Variants in POLDIP3 observed in about 807,000 individuals in gnomAD.
POLDIP3 encodes DNA polymerase delta interacting protein 3, also known as polymerase delta-interacting protein 3.
POLDIP3 carries 14 observed loss-of-function variants against 45.1 expected under a neutral mutation model. The ratio of observed to expected loss-of-function variants is 0.31; its 90% CI spans 0.20 to 0.49. POLDIP3 has a LOEUF of 0.49. Ranked by LOEUF, POLDIP3 falls within the 20% of genes least tolerant of loss-of-function variation. The probability of loss-of-function intolerance (pLI) is 0.99; values close to 1 mark genes in which losing one functional copy is unlikely to be tolerated. For missense variants in POLDIP3, 511 were observed against 538.8 expected (o/e 0.95, Z 0.51); for synonymous variants, 223 against 205.2 (o/e 1.09, Z -0.74).
At chr22:42,601,886 T>C in intron 3 of POLDIP3, 84 bp downstream of exon 3, 1 of 1,478,426 alleles carries the variant, frequency 6.8e-7, no homozygotes, top group South Asian at 1.3e-5. Context: ...TCCACCCAAG[T>C]AGGCCTCATC....
intron 4 of POLDIP3, among the ~76,000 whole-genome samples, chr22:42,597,963 G>A (rs1280871315): frequency 2.6e-5 from 4 of 151,106 alleles, no homozygotes; most frequent in Admixed American, 1.3e-4. Context: ...ATTTTTAGTA[G>A]AGACGGGATT....
In POLDIP3 at chr22:42,584,891, A is replaced by G. The variant is rs11539700; in HGVS notation, c.*900T>C. On this transcript the variant is annotated 3_prime_UTR_variant, in exon 9 of 9. Transcript: ENST00000252115. The stretch of plus-strand genomic sequence containing the variant: ...ACAAACTGACCTCTTCCATTCAAAT[A>G]AGCTCCAAACCCAAGCACTGCACAA... 1,892 of 456,194 alleles carry G rather than the reference A, an allele frequency of 4.1e-3. 30 individuals are homozygous for G. The highest frequency in any genetic ancestry group is 0.035 in the African/African-American group (1,739 of 50,152). The allele number at this position is 456,194 out of a possible 1,614,324, so 28.3% of individuals were successfully genotyped here.
In POLDIP3 at chr22:42,602,163, T is replaced by C; in HGVS notation, c.451-107A>G. 4.5e-6 allele frequency: 7 copies of C among 1,564,854 alleles called. No homozygotes were observed. The South Asian group carries it at 4.5e-5, about 10-fold the overall frequency. ...ATGGTGGGCATGCAGCTTTGGTCTT[T>C]GGTAAAAGGCACTACAGAGGGCCTT... On this transcript the variant is annotated intron_variant, in intron 2 of 8. Coordinates refer to ENST00000252115, the MANE Select transcript of POLDIP3 (RefSeq NM_032311.5).
intron 1 of POLDIP3, among the ~76,000 whole-genome samples, chr22:42,606,596 C>A (rs761822069): frequency 2.6e-5 from 4 of 152,176 alleles, no homozygotes; most frequent in South Asian, 2.1e-4. Flanking sequence ...GTCCTCCAGG[C>A]TGGACAACAG....
intron 1 of POLDIP3, among the ~76,000 whole-genome samples, chr22:42,614,454 G>A (rs1043115119): frequency 1.4e-4 from 22 of 152,302 alleles, no homozygotes; most frequent in Non-Finnish European, 2.2e-4. Context: ...CACGGAGCGG[G>A]GCCCAAATGC....
chr22:42,600,519 G>C (rs941743618), intron 3 of POLDIP3, among the ~76,000 whole-genome samples: 1 of 152,060 alleles, frequency 6.6e-6, no homozygotes, highest in African/African-American at 2.4e-5. Context: ...CCAGCTACTC[G>C]GGAGGCTGAG....
At chr22:42,603,822 G>GATC (rs1162336470) in intron 1 of POLDIP3, 2 of 152,446 alleles carry the variant, frequency 1.3e-5, no homozygotes, top group Non-Finnish European at 2.9e-5. Flanking sequence ...AATTGGAAAT[G>GATC]ATCGGGTACA....
intron 7 of POLDIP3, among the ~76,000 whole-genome samples, chr22:42,591,722 A>G (rs915784315): frequency 6.6e-6 from 1 of 152,190 alleles, no homozygotes; most frequent in African/African-American, 2.4e-5. Flanking sequence ...CCATGGAGAA[A>G]TGCTGTTTTC....
rs753767686 is a variant in POLDIP3 at position 42,601,969 on chromosome 22, C to T, written c.537+1G>A. 9.3e-6 allele frequency: 15 copies of T among 1,613,190 alleles called. No homozygotes were observed. The South Asian group carries it at 1.2e-4, about 13-fold the overall frequency. ...CTCTCTCTCTCACTCACTCACTCTA[C>T]CTGTTTGGCCTGGTGGTTATTGACA... On this transcript the variant is annotated splice_donor_variant, in intron 3 of 8. Coordinates refer to ENST00000252115, the MANE Select transcript of POLDIP3 (RefSeq NM_032311.5). LOFTEE classifies it high-confidence loss of function.
intron 1 of POLDIP3, among the ~76,000 whole-genome samples, chr22:42,612,652 C>T (rs1927196859): frequency 6.6e-6 from 1 of 152,056 alleles, no homozygotes; most frequent in African/African-American, 2.4e-5. Context: ...ATGGTAAAAC[C>T]CCATCTCTAC....
At position 42,598,249 on chromosome 22, in the gene POLDIP3, A is replaced by ATT. The variant is rs34265457; in HGVS notation, c.633+1447_633+1448dup. On this transcript the variant is annotated intron_variant, in intron 4 of 8. Coordinates refer to ENST00000252115, the MANE Select transcript of POLDIP3 (RefSeq NM_032311.5). ...AGGTGCCCGCCACCACACCCCGGAT[A>ATT]TTTTTTTTTTTTTTTTTTTTGAGAC... 3.2e-3 allele frequency among the ~76,000 whole-genome samples: 290 copies of ATT among 90,836 alleles called. 7 individuals carry two copies. The highest frequency in any genetic ancestry group is 4.9e-3 in the Non-Finnish European group (224 of 45,504). 59.6% of individuals were successfully genotyped at this position (90,836 alleles called of 152,430 possible). A position where few individuals can be genotyped will look rare whatever the true frequency, so the allele number is the denominator to read the frequency against.
At chr22:42,598,409 C>T (rs1206924740) in intron 4 of POLDIP3, among the ~76,000 whole-genome samples, 1 of 149,006 alleles carries the variant, frequency 6.7e-6, no homozygotes, top group Non-Finnish European at 1.5e-5. Flanking sequence ...CACCACCACG[C>T]CTGGCTAATT....
intron 3 of POLDIP3, among the ~76,000 whole-genome samples, chr22:42,600,636 AAAG>A (rs1174731600): frequency 1.3e-5 from 2 of 151,054 alleles, no homozygotes; most frequent in African/African-American, 2.4e-5. Flanking sequence ...AAAAAAAAAA[AAAG>A]AATATATAAC....
Position 42,599,709 on chromosome 22 carries a change from G to C in POLDIP3, c.622C>G (p.Leu208Val), listed in dbSNP as rs1569300586. Residue 208 changes from leucine to valine, a missense_variant, in exon 4 of 9, where the codon CTC (leucine) becomes GTC (valine). Around this residue, in one of 4 missense-constraint regions of POLDIP3, gnomAD observed 378 missense variants for 352.3 expected, o/e 1.07. Coordinates refer to ENST00000252115, the MANE Select transcript of POLDIP3 (RefSeq NM_032311.5). ...QMKFAASGGF[L>V]HHMAGLSSSK... ...ATGAAATGCCATACCATGTGGTGGA[G>C]AAAGCCGCCTGAGGCTGCAAACTTC... The C allele has an allele frequency of 6.2e-7, 1 of 1,607,572 alleles. No individual in the cohort carries two copies. The highest frequency in any genetic ancestry group is 8.5e-7 in the Non-Finnish European group (1 of 1,174,216).
chr22:42,606,701 T>C (rs577686573), intron 1 of POLDIP3, among the ~76,000 whole-genome samples: 1 of 152,336 alleles, frequency 6.6e-6, no homozygotes, highest in African/African-American at 2.4e-5. Context: ...CATAGCTCAC[T>C]ACAGCCTTGA....
At chr22:42,602,627 T>TAA (rs2146824059) in intron 2 of POLDIP3, 143 bp downstream of exon 2, 1 of 933,708 alleles carries the variant, frequency 1.1e-6, no homozygotes, top group Non-Finnish European at 1.6e-6. Context: ...ATAACGTACT[T>TAA]AAAGCCTCTG....
chr22:42,608,620 G>A (rs116323708), intron 1 of POLDIP3, among the ~76,000 whole-genome samples: 1,559 of 152,160 alleles, frequency 0.01, 22 homozygotes, highest in African/African-American at 0.036. Flanking sequence ...CCAGGGATAC[G>A]GAGCACTCTC....
intron 1 of POLDIP3, among the ~76,000 whole-genome samples, chr22:42,609,560 G>C (rs1166081813): frequency 6.6e-6 from 1 of 152,192 alleles, no homozygotes; most frequent in East Asian, 1.9e-4. Context: ...CAGATGTCCA[G>C]TCCAAAAGAT....
intron 1 of POLDIP3, among the ~76,000 whole-genome samples, chr22:42,604,805 C>T (rs1926616817): frequency 6.6e-6 from 1 of 152,210 alleles, no homozygotes; most frequent in South Asian, 2.1e-4. Flanking sequence ...AGTACCAAAC[C>T]TAAGGCGGTA....
Sources: allele counts gnomAD v4.1 joint callset (sites outside exome capture counted in the v4.1 genomes callset), GRCh38; gene constraint gnomAD v4.1.1; regional missense constraint gnomAD v4.1.1; transcripts MANE v1.5; gene names NCBI Gene and HGNC (gene_info 2026-07-23, HGNC 2026-07-21).